NEGR1: variants seen among roughly 807,000 people sequenced by gnomAD.
NEGR1 encodes neuronal growth regulator 1.
A neutral mutation model predicts 40.9 loss-of-function variants in NEGR1; 10 were observed. The ratio of observed to expected loss-of-function variants is 0.24; its 90% CI spans 0.15 to 0.42. The LOEUF (loss-of-function observed/expected upper bound fraction) is 0.42. Ranked by LOEUF, NEGR1 falls within the 10% of genes least tolerant of loss-of-function variation. The pLI is 1.00. For missense variants in NEGR1, 352 were observed against 438.9 expected (o/e 0.80, Z 1.77); for synonymous variants, 185 against 166.8 (o/e 1.11, Z -0.84).
chr1:71,965,584 G>A (rs907325670), intron 1 of NEGR1, among the ~76,000 whole-genome samples: 1 of 152,034 alleles, frequency 6.6e-6, no homozygotes, highest in African/African-American at 2.4e-5. Context: ...ATTTATTCAT[G>A]GAAATGGGCT....
At chr1:71,418,947 C>T (rs1454587018) in intron 6 of NEGR1, among the ~76,000 whole-genome samples, 1 of 152,156 alleles carries the variant, frequency 6.6e-6, no homozygotes, top group Admixed American at 6.5e-5. Flanking sequence ...GTTTCACACA[C>T]TTTTTGTATT....
At chr1:71,673,140 G>A (rs1652493185) in intron 4 of NEGR1, among the ~76,000 whole-genome samples, 1 of 152,136 alleles carries the variant, frequency 6.6e-6, no homozygotes, top group Non-Finnish European at 1.5e-5. Context: ...TTGGGAGGCT[G>A]AGGCAGGAGA....
At chr1:72,149,465 G>A (rs1372559813) in intron 1 of NEGR1, among the ~76,000 whole-genome samples, 2 of 152,122 alleles carry the variant, frequency 1.3e-5, no homozygotes, top group Non-Finnish European at 2.9e-5. Flanking sequence ...TCCGTTCTAT[G>A]TCATATGCTA....
At chr1:72,113,883 A>T (rs965352951) in intron 1 of NEGR1, among the ~76,000 whole-genome samples, 3 of 151,736 alleles carry the variant, frequency 2.0e-5, no homozygotes, top group Non-Finnish European at 2.9e-5. Context: ...CATCACACAG[A>T]CTGCTTTATC....
intron 1 of NEGR1, among the ~76,000 whole-genome samples, chr1:72,211,701 A>G (rs1653613036): frequency 6.6e-6 from 1 of 151,648 alleles, no homozygotes; most frequent in Non-Finnish European, 1.5e-5. Flanking sequence ...TCTCCATTCT[A>G]ATTTCCAGTA....
At chr1:71,457,892 C>T (rs928754297) in intron 6 of NEGR1, among the ~76,000 whole-genome samples, 7 of 151,902 alleles carry the variant, frequency 4.6e-5, no homozygotes, top group South Asian at 2.1e-4. Flanking sequence ...TTAGTAGAGA[C>T]GGGGTTTCAC....
intron 6 of NEGR1, among the ~76,000 whole-genome samples, chr1:71,575,112 T>C (rs1648922089): frequency 6.6e-6 from 1 of 152,202 alleles, no homozygotes; most frequent in Non-Finnish European, 1.5e-5. Flanking sequence ...CTCAGTATGG[T>C]GCTAGCTGAT....
intron 1 of NEGR1, among the ~76,000 whole-genome samples, chr1:72,263,062 C>T (rs150821755): frequency 2.0e-5 from 3 of 151,644 alleles, no homozygotes; most frequent in African/African-American, 7.3e-5. Flanking sequence ...TATTTAAAGA[C>T]ATTTGTGAAG....
rs558872727 is a variant in NEGR1 at position 71,512,293 on chromosome 1, A to T, written c.940+80524T>A. Among the ~76,000 whole-genome samples the T allele has an allele frequency of 6.7e-5, 10 of 150,094 alleles. No homozygotes were observed. In the East Asian group the frequency reaches 9.8e-4, roughly 15 times the overall value. On this transcript the variant is annotated intron_variant, in intron 6 of 6. Transcript: ENST00000357731. Reference sequence around the variant, plus strand: ...CAGTTTACTTAAAAGTATATAAATTAAAAAAAAAATAACATAATGCTTTAC... The same window carrying T: ...CAGTTTACTTAAAAGTATATAAATTTAAAAAAAAATAACATAATGCTTTAC...
At chr1:71,754,009 G>C (rs1052199701) in intron 3 of NEGR1, among the ~76,000 whole-genome samples, 1 of 151,004 alleles carries the variant, frequency 6.6e-6, no homozygotes, top group African/African-American at 2.5e-5. Flanking sequence ...TGAGCATAAA[G>C]CACACATGAT....
chr1:71,492,262 T>G (rs934971316), intron 6 of NEGR1, among the ~76,000 whole-genome samples: 2 of 152,126 alleles, frequency 1.3e-5, no homozygotes, highest in African/African-American at 4.8e-5. Flanking sequence ...AGTAGAGACT[T>G]ACGGGAGTGA....
chr1:71,927,071 A>T (rs1306713447), intron 2 of NEGR1, among the ~76,000 whole-genome samples: 6 of 152,172 alleles, frequency 3.9e-5, no homozygotes, highest in Admixed American at 3.3e-4. Context: ...AAAGTAGCTC[A>T]ATTCACCTTA....
chr1:71,451,192 A>G (rs1420819198), intron 6 of NEGR1, among the ~76,000 whole-genome samples: 1 of 152,228 alleles, frequency 6.6e-6, no homozygotes, highest in African/African-American at 2.4e-5. Flanking sequence ...AAGCTTTAAT[A>G]TCATCATGTC....
At chr1:72,121,493 C>T (rs2100291571) in intron 1 of NEGR1, among the ~76,000 whole-genome samples, 1 of 151,990 alleles carries the variant, frequency 6.6e-6, no homozygotes, top group East Asian at 1.9e-4. Context: ...TAGTCAACAT[C>T]TCTTAAGAAG....
intron 3 of NEGR1, among the ~76,000 whole-genome samples, chr1:71,746,729 CAT>C (rs1655396078): frequency 6.8e-6 from 1 of 147,714 alleles, no homozygotes; most frequent in African/African-American, 2.6e-5. Context: ...TATACACACA[CAT>C]ACACACACAT....
chr1:71,887,038 C>A (rs1225522103), intron 2 of NEGR1, among the ~76,000 whole-genome samples: 2 of 152,104 alleles, frequency 1.3e-5, no homozygotes, highest in Admixed American at 1.3e-4. Context: ...GAAGCCTTGC[C>A]AGTAAAAAGC....
At chr1:71,960,164 A>T (rs1646153362) in intron 1 of NEGR1, among the ~76,000 whole-genome samples, 1 of 152,182 alleles carries the variant, frequency 6.6e-6, no homozygotes, top group African/African-American at 2.4e-5. Context: ...GGACTATAAA[A>T]CATTTACAAA....
intron 4 of NEGR1, among the ~76,000 whole-genome samples, chr1:71,657,420 A>G (rs1651914558): frequency 6.6e-6 from 1 of 152,188 alleles, no homozygotes; most frequent in Admixed American, 6.5e-5. Flanking sequence ...TCACTTTTTC[A>G]TTGCTTTATG....
intron 4 of NEGR1, among the ~76,000 whole-genome samples, chr1:71,664,514 T>G (rs979099411): frequency 2.6e-5 from 4 of 152,176 alleles, no homozygotes; most frequent in Non-Finnish European, 5.9e-5. Flanking sequence ...CTTAAGTTTT[T>G]TACATATCTT....
Sources: gnomAD v4.1 joint callset for allele counts (sites outside exome capture counted in the v4.1 genomes callset) on GRCh38, gnomAD v4.1.1 for gene constraint, MANE v1.5 for transcripts, NCBI Gene and HGNC (gene_info 2026-07-23, HGNC 2026-07-21) for gene names.